The following RIMS1 variants were observed in gnomAD, a reference collection of about 807,000 sequenced individuals.
RIMS1 encodes the protein regulating synaptic membrane exocytosis protein 1.
Under a neutral mutation model 214.1 loss-of-function variants are expected in RIMS1, and 83 were observed. The ratio of observed to expected loss-of-function variants is 0.39; its 90% CI spans 0.32 to 0.47. The LOEUF (loss-of-function observed/expected upper bound fraction) is 0.47. Among genes scored for constraint, RIMS1 ranks in the 20% least tolerant of loss-of-function variants. The probability of loss-of-function intolerance (pLI) is 0.99; values close to 1 mark genes in which losing one functional copy is unlikely to be tolerated. For missense variants in RIMS1, 2,050 were observed against 2,161.8 expected (o/e 0.95, Z 1.03); for synonymous variants, 793 against 786.8 (o/e 1.01, Z -0.13).
At chr6:72,245,447 T>TG (rs972076151) in intron 10 of RIMS1, among the ~76,000 whole-genome samples, 76 of 152,238 alleles carry the variant, frequency 5.0e-4, no homozygotes, top group African/African-American at 1.6e-3. Context: ...AGCATATTAC[T>TG]GATGTGTAAA....
intron 2 of RIMS1, among the ~76,000 whole-genome samples, chr6:72,072,760 C>G (rs1830870613): frequency 6.6e-6 from 1 of 152,172 alleles, no homozygotes; most frequent in African/African-American, 2.4e-5. Context: ...TCTATAGTAA[C>G]TTAACTCCTG....
chr6:71,996,192 G>A (rs112480253), intron 2 of RIMS1, among the ~76,000 whole-genome samples: 2 of 152,130 alleles, frequency 1.3e-5, no homozygotes, highest in South Asian at 2.1e-4. Flanking sequence ...CAAGAGGTTC[G>A]GACTTCAACA....
intron 13 of RIMS1, 38 bp downstream of exon 13, chr6:72,250,498 T>C: frequency 2.9e-6 from 4 of 1,395,376 alleles, no homozygotes; most frequent in Non-Finnish European, 3.9e-6. Flanking sequence ...TCTTAAAATC[T>C]GTACTAATAG....
At chr6:71,887,323 T>C (rs1768038746) in intron 1 of RIMS1, 136 bp downstream of exon 1, 1 of 1,131,666 alleles carries the variant, frequency 8.8e-7, no homozygotes, top group Non-Finnish European at 1.3e-6. Context: ...GCGCCCGCCT[T>C]GGGCCAGGGG....
intron 29 of RIMS1, among the ~76,000 whole-genome samples, chr6:72,334,672 T>A (rs985806711): frequency 6.6e-5 from 10 of 151,938 alleles, no homozygotes; most frequent in African/African-American, 2.4e-4. Flanking sequence ...TTTCTGTTCC[T>A]TAATAGCAAG....
intron 28 of RIMS1, among the ~76,000 whole-genome samples, chr6:72,332,586 A>G (rs1460491106): frequency 1.3e-5 from 2 of 149,238 alleles, no homozygotes; most frequent in African/African-American, 4.9e-5. Flanking sequence ...CCTAATGCTA[A>G]ATGATGAGTT....
chr6:72,080,997 C>A (rs1330841488), intron 2 of RIMS1, among the ~76,000 whole-genome samples: 1 of 152,176 alleles, frequency 6.6e-6, no homozygotes, highest in East Asian at 1.9e-4. Context: ...GGCAATAAAA[C>A]TTAAAGAGTC....
At chr6:72,201,681 T>C (rs2153993141) in intron 6 of RIMS1, among the ~76,000 whole-genome samples, 1 of 152,360 alleles carries the variant, frequency 6.6e-6, no homozygotes, top group East Asian at 1.9e-4. Context: ...TTGTACCCTC[T>C]GAGGACAAGC....
intron 6 of RIMS1, among the ~76,000 whole-genome samples, chr6:72,208,622 C>G (rs2053313250): frequency 6.6e-6 from 1 of 152,062 alleles, no homozygotes; most frequent in African/African-American, 2.4e-5. Context: ...ATCTAATCAC[C>G]ATGAAAAGCA....
intron 6 of RIMS1, among the ~76,000 whole-genome samples, chr6:72,220,017 G>A (rs754843262): frequency 1.3e-5 from 2 of 151,916 alleles, no homozygotes; most frequent in East Asian, 3.9e-4. Flanking sequence ...ATAATTCATT[G>A]GAGTGTTGCT....
chr6:72,126,897 G>A (rs2039631752), intron 4 of RIMS1, among the ~76,000 whole-genome samples: 1 of 151,990 alleles, frequency 6.6e-6, no homozygotes, highest in Non-Finnish European at 1.5e-5. Flanking sequence ...AAAAGTTGAA[G>A]TGCCATATGA....
At chr6:72,327,922 G>A (rs1243696821) in intron 28 of RIMS1, among the ~76,000 whole-genome samples, 1 of 151,654 alleles carries the variant, frequency 6.6e-6, no homozygotes, top group Non-Finnish European at 1.5e-5. Context: ...GCTAGAATTA[G>A]GTAAGTACTC....
At chr6:72,372,802 G>C (rs1290883372) in intron 29 of RIMS1, among the ~76,000 whole-genome samples, 2 of 152,200 alleles carry the variant, frequency 1.3e-5, no homozygotes, top group Non-Finnish European at 2.9e-5. Context: ...TGCATGACCT[G>C]TTACATAACA....
At chr6:72,220,157 A>G (rs1232241560) in intron 6 of RIMS1, among the ~76,000 whole-genome samples, 2 of 152,100 alleles carry the variant, frequency 1.3e-5, no homozygotes, top group African/African-American at 4.8e-5. Flanking sequence ...ATGAAAGCAT[A>G]CTGCTGAGGC....
Position 72,313,557 on chromosome 6 carries a change from T to A in RIMS1, c.4015T>A (p.Ser1339Thr). ...YRSCDNVSAKSSDSDVSDVSA... is the reference protein window; with the variant it reads ...YRSCDNVSAKTSDSDVSDVSA... ...AAGCTGTGATAACGTCTCTGCCAAA[T>A]CATCAGATAGTGATGTCAGTGATGT... The change falls in exon 28 of 34, where the codon TCA (serine) becomes ACA (threonine). Residue 1339 changes from serine to threonine, a missense_variant. Around this residue, in one of 6 missense-constraint regions of RIMS1, gnomAD observed 889 missense variants for 885.5 expected, o/e 1.00. Coordinates refer to ENST00000521978, the MANE Select transcript of RIMS1 (RefSeq NM_014989.7). 4 of 1,613,824 alleles carry A rather than the reference T, an allele frequency of 2.5e-6. No homozygotes were observed. The highest frequency in any genetic ancestry group is 3.4e-6 in the Non-Finnish European group (4 of 1,179,822).
At chr6:72,046,344 G>A (rs10081036) in intron 2 of RIMS1, among the ~76,000 whole-genome samples, 29,978 of 151,922 alleles carry the variant, frequency 0.2, 3,167 homozygotes, top group Non-Finnish European at 0.24. Flanking sequence ...GTTGGGGGAA[G>A]GTGTTGACAT....
chr6:72,393,818 A>G (rs367832912), intron 31 of RIMS1, among the ~76,000 whole-genome samples: 1 of 152,162 alleles, frequency 6.6e-6, no homozygotes, highest in African/African-American at 2.4e-5. Context: ...TGTTAGCATT[A>G]CCTTCAGAAT....
At chr6:72,277,471 A>G (rs975581966) in intron 23 of RIMS1, among the ~76,000 whole-genome samples, 5 of 151,990 alleles carry the variant, frequency 3.3e-5, no homozygotes, top group African/African-American at 1.2e-4. Flanking sequence ...AGTCCCAGCT[A>G]TTCGGGAGGC....
intron 2 of RIMS1, among the ~76,000 whole-genome samples, chr6:72,004,386 G>A (rs1178743057): frequency 1.3e-5 from 2 of 152,074 alleles, no homozygotes; most frequent in African/African-American, 4.8e-5. Context: ...TATATACCCA[G>A]TAATGGGATG....
Sources: gnomAD v4.1 joint callset for allele counts (sites outside exome capture counted in the v4.1 genomes callset) on GRCh38, gnomAD v4.1.1 for gene constraint, gnomAD v4.1.1 regional missense constraint, MANE v1.5 for transcripts, NCBI Gene and HGNC (gene_info 2026-07-23, HGNC 2026-07-21) for gene names.